The following CHD6 variants were observed in gnomAD, a reference collection of about 807,000 sequenced individuals.
The protein encoded by CHD6 is ATP-dependent chromatin remodeler CHD6.
In CHD6, 50 loss-of-function variants were observed where a neutral mutation model predicts 276.9. The observed-to-expected ratio is 0.18, with a 90% CI of 0.14 to 0.23. The LOEUF (loss-of-function observed/expected upper bound fraction) is 0.23, where lower values mean the gene tolerates loss of function less well. Ranked by LOEUF, CHD6 falls within the 10% of genes least tolerant of loss-of-function variation. The pLI, the probability that CHD6 is intolerant of heterozygous loss-of-function variation, is 1.00. For missense variants in CHD6, 2,564 were observed against 3,365.8 expected (o/e 0.76, Z 5.89); for synonymous variants, 1,173 against 1,229.3 (o/e 0.95, Z 0.96).
At chr20:41,433,598 A>G (rs2047612247) in intron 27 of CHD6, among the ~76,000 whole-genome samples, 1 of 152,148 alleles carries the variant, frequency 6.6e-6, no homozygotes, top group Non-Finnish European at 1.5e-5. Flanking sequence ...ACTACCTTAA[A>G]AGAAGAGCTA....
At chr20:41,406,328 G>A (rs1040035387) in intron 36 of CHD6, among the ~76,000 whole-genome samples, 3 of 152,222 alleles carry the variant, frequency 2.0e-5, no homozygotes, top group African/African-American at 7.2e-5. Flanking sequence ...CTGCAGTAAA[G>A]CACTTCTGCT....
chr20:41,426,997 A>C (rs1401541847), intron 27 of CHD6, among the ~76,000 whole-genome samples: 1 of 152,188 alleles, frequency 6.6e-6, no homozygotes, highest in East Asian at 1.9e-4. Context: ...TTGCTATTTT[A>C]GAGCACAGGG....
rs145714375 is a variant in CHD6 at position 41,565,816 on chromosome 20, A to G, written c.-23-14456T>C. ...GTTGGAAAGGTATTCTACAAATACA[A>G]CAGTCTAGAAGTGCAGCAGTAAAGA... On this transcript the variant is annotated intron_variant, in intron 1 of 36. Transcript: ENST00000373233. 2.6e-5 allele frequency among the ~76,000 whole-genome samples: 4 copies of G among 152,352 alleles called. No individual in the cohort carries two copies. In the East Asian group the frequency reaches 7.7e-4, roughly 29 times the overall value.
chr20:41,415,526 G>A lies in CHD6; in HGVS notation c.6599C>T (p.Thr2200Ile), dbSNP rs2145422574. ...GAGGATGATAGGGGTGTGCCCGTGG[G>A]TGGCAGAGAACTGCTCCAGGCCCCG... ...KARGLEQFSA[T>I]HGHTPIILNG... is the part of the protein sequence containing the mutation. The change falls in exon 34 of 37, where the codon ACC becomes ATC. Residue 2200 changes from threonine to isoleucine, a missense_variant. Coordinates refer to ENST00000373233, the MANE Select transcript of CHD6 (RefSeq NM_032221.5). 6.2e-7 allele frequency: 1 copy of A among 1,614,168 alleles called. No homozygotes were observed. Among genetic ancestry groups the A allele is most frequent in the Non-Finnish European group, 8.5e-7 (1 of 1,180,034 alleles).
intron 1 of CHD6, among the ~76,000 whole-genome samples, chr20:41,584,373 T>C (rs543043594): frequency 6.6e-6 from 1 of 152,242 alleles, no homozygotes; most frequent in South Asian, 2.1e-4. Flanking sequence ...GAAATACACA[T>C]ATCCATAATT....
intron 19 of CHD6, 29 bp downstream of exon 19, chr20:41,455,771 C>T (rs769607764): frequency 2.8e-6 from 4 of 1,414,752 alleles, no homozygotes; most frequent in Non-Finnish European, 3.7e-6. Context: ...TCTCCCACCC[C>T]CAACAGCTCT....
At chr20:41,443,940 TG>T (rs900624152) in intron 25 of CHD6, among the ~76,000 whole-genome samples, 9 of 151,926 alleles carry the variant, frequency 5.9e-5, no homozygotes, top group Non-Finnish European at 1.2e-4. Flanking sequence ...TGTGTTGGGG[TG>T]GGGGAGGAAG....
At chr20:41,573,026 C>G (rs2045435455) in intron 1 of CHD6, among the ~76,000 whole-genome samples, 1 of 152,110 alleles carries the variant, frequency 6.6e-6, no homozygotes. Context: ...TCTCCTGCCT[C>G]AGCCTCCCGA....
At chr20:41,515,769 C>T (rs894549264) in intron 3 of CHD6, among the ~76,000 whole-genome samples, 31 of 152,224 alleles carry the variant, frequency 2.0e-4, no homozygotes, top group African/African-American at 7.2e-4. Flanking sequence ...GTATTTTATG[C>T]TTCTCTGATC....
In CHD6 at chr20:41,514,888, C is replaced by T. The variant is rs746640778; in HGVS notation, c.619G>A (p.Val207Met). The T allele has an allele frequency of 6.2e-7, 1 of 1,614,106 alleles. No individual in the cohort carries two copies. The highest frequency in any genetic ancestry group is 1.1e-5 in the South Asian group (1 of 91,086). Residue 207 changes from valine to methionine, a missense_variant, in exon 4 of 37, where the codon GTG (valine) becomes ATG (methionine). Coordinates refer to ENST00000373233, the MANE Select transcript of CHD6 (RefSeq NM_032221.5). ...KKGKRKSETT[V>M]ESLELDQGLT... is the part of the protein sequence containing the mutation. The stretch of plus-strand genomic sequence containing the variant: ...CCCTGATCCAGCTCTAAACTCTCCA[C>T]TGTAGTTTCACTTTTCCTTTTTCCT...
At chr20:41,412,013 G>A (rs2046854541) in intron 36 of CHD6, 131 bp downstream of exon 36, 1 of 1,313,480 alleles carries the variant, frequency 7.6e-7, no homozygotes, top group African/African-American at 1.5e-5. Flanking sequence ...TTCCTGTGCT[G>A]GCTTCTAGTC....
At chr20:41,474,437 T>C (rs1199194207) in intron 16 of CHD6, among the ~76,000 whole-genome samples, 1 of 152,144 alleles carries the variant, frequency 6.6e-6, no homozygotes, top group Non-Finnish European at 1.5e-5. Context: ...CTGGGCGTCT[T>C]ATTCTTTTCC....
intron 3 of CHD6, among the ~76,000 whole-genome samples, chr20:41,529,234 C>T (rs866099867): frequency 6.6e-6 from 1 of 152,138 alleles, no homozygotes; most frequent in Non-Finnish European, 1.5e-5. Flanking sequence ...TTATACAGGT[C>T]TTATTTTCAA....
chr20:41,533,970 G>A (rs1184711782), intron 2 of CHD6, among the ~76,000 whole-genome samples: 1 of 152,206 alleles, frequency 6.6e-6, no homozygotes, highest in African/African-American at 2.4e-5. Context: ...TGTGTCACAG[G>A]TGCTCAAGGC....
chr20:41,483,961 C>T (rs958609790), intron 15 of CHD6, among the ~76,000 whole-genome samples: 2 of 152,236 alleles, frequency 1.3e-5, no homozygotes, highest in Non-Finnish European at 2.9e-5. Flanking sequence ...AATTTGTCTA[C>T]AGAGAGTTTT....
intron 8 of CHD6, among the ~76,000 whole-genome samples, chr20:41,496,550 C>G (rs1394679737): frequency 6.6e-6 from 1 of 152,168 alleles, no homozygotes; most frequent in East Asian, 1.9e-4. Flanking sequence ...AACTAAGTTA[C>G]TATTTGTATC....
chr20:41,547,498 C>T, intron 2 of CHD6: 1 of 395,522 alleles, frequency 2.5e-6, no homozygotes, highest in Non-Finnish European at 4.9e-6. Context: ...GATGCCATGT[C>T]TGCACTGGCT....
rs371450384 is a variant in CHD6, at chr20:41,605,425, AATTT to A, written c.-24+12911_-24+12914del. 1.4e-3 allele frequency among the ~76,000 whole-genome samples: 209 copies of A among 152,314 alleles called. 1 individual carries two copies. The highest frequency in any genetic ancestry group is 0.013 in the East Asian group (66 of 5,178). Reference sequence around the variant, plus strand: ...TACTATTCCCATTCACAAATAAAGGAATTTATTTGCCAAAGAGAAACTGAATTTC... The same window carrying A: ...TACTATTCCCATTCACAAATAAAGGAATTTGCCAAAGAGAAACTGAATTTC... On this transcript the variant is annotated intron_variant, in intron 1 of 36. Coordinates refer to ENST00000373233, the MANE Select transcript of CHD6 (RefSeq NM_032221.5).
At chr20:41,588,390 C>T (rs1026501438) in intron 1 of CHD6, among the ~76,000 whole-genome samples, 10 of 152,248 alleles carry the variant, frequency 6.6e-5, no homozygotes, top group Middle Eastern at 3.4e-3. Context: ...GAGGCTGTGG[C>T]AATTCAGGGT....
Sources: gnomAD v4.1 joint callset for allele counts (sites outside exome capture counted in the v4.1 genomes callset) on GRCh38, gnomAD v4.1.1 for gene constraint, MANE v1.5 for transcripts, NCBI Gene and HGNC (gene_info 2026-07-23, HGNC 2026-07-21) for gene names.